Variants in UGT1A8 observed in about 807,000 individuals in gnomAD.
UGT1A8 encodes the protein UDP glucuronosyltransferase family 1 member A8.
UGT1A8 carries 39 observed loss-of-function variants against 45.3 expected under a neutral mutation model. That is an observed-to-expected ratio of 0.86 (90% CI 0.67 to 1.12). UGT1A8 has a LOEUF of 1.12. UGT1A8 is among the 50% of genes most tolerant of loss of function. The pLI is 0.00. For missense variants in UGT1A8, 719 were observed against 664.9 expected (o/e 1.08, Z -0.90); for synonymous variants, 275 against 249.2 (o/e 1.10, Z -0.97).
intron 1 of UGT1A8, chr2:233,682,602 A>AT (rs1476036720): frequency 6.2e-7 from 1 of 1,613,674 alleles, no homozygotes; most frequent in African/African-American, 1.3e-5. Flanking sequence ...TTTTGCCCCT[A>AT]TTTTTTCAAA....
At chr2:233,709,315 A>AT (rs1229942290) in intron 1 of UGT1A8, among the ~76,000 whole-genome samples, 1 of 152,156 alleles carries the variant, frequency 6.6e-6, no homozygotes, top group Non-Finnish European at 1.5e-5. Context: ...TAGATGTCAG[A>AT]TTTTTTGTTA....
In UGT1A8 at chr2:233,746,936, G is replaced by T. The variant is rs185798867; in HGVS notation, c.856-20098G>T. 1.2e-3 allele frequency among the ~76,000 whole-genome samples: 184 copies of T among 151,904 alleles called. 4 individuals carry two copies. Among genetic ancestry groups the T allele is most frequent in the African/African-American group, 4.2e-3 (172 of 41,190 alleles). ...TTCCACAGGCCTTTGTTGGGAATTGGATGAGAAACAAGAGCTTGAACTTGG... is the reference window on the plus strand; with the variant it reads ...TTCCACAGGCCTTTGTTGGGAATTGTATGAGAAACAAGAGCTTGAACTTGG... On this transcript the variant is annotated intron_variant, in intron 1 of 4. Transcript: ENST00000373450.
At chr2:233,623,106 C>T (rs112616532) in intron 1 of UGT1A8, among the ~76,000 whole-genome samples, 6,414 of 152,236 alleles carry the variant, frequency 0.042, 160 homozygotes, top group Non-Finnish European at 0.061. Flanking sequence ...GGTACCAATA[C>T]GATGCTGTTT....
chr2:233,770,519 A>G (rs1327661350), intron 4 of UGT1A8: 1 of 152,120 alleles, frequency 6.6e-6, no homozygotes, highest in Non-Finnish European at 1.5e-5. Flanking sequence ...TTACCCAGGC[A>G]TGGTGGTGTA....
Position 233,768,298 on chromosome 2 carries a change from T to A in UGT1A8, c.1154T>A (p.Met385Lys). The A allele has an allele frequency of 6.2e-7, 1 of 1,614,192 alleles. No individual in the cohort carries two copies. Reference protein sequence around the residue: ...VYESICNGVPMVMMPLFGDQM... With the variant: ...VYESICNGVPKVMMPLFGDQM... ...GAAAGCATATGCAATGGCGTTCCCA[T>A]GGTGATGATGCCCTTGTTTGGTGAT... Residue 385 changes from methionine (M) to lysine (K), a missense_variant, in exon 4 of 5, where the codon ATG (methionine) becomes AAG (lysine). Met to Lys is a moderately conservative substitution (Grantham distance 95, BLOSUM62 -1). Transcript: ENST00000373450.
chr2:233,749,216 C>G lies in UGT1A8; in HGVS notation c.856-17818C>G, dbSNP rs1401762551. ...AACATAGGTATTATTGCCAAACACT[C>G]TAAGCTTCATTTTTTAAAATCAAAC... On this transcript the variant is annotated intron_variant, in intron 1 of 4. Coordinates refer to ENST00000373450, the MANE Select transcript of UGT1A8 (RefSeq NM_019076.5). Among the ~76,000 whole-genome samples, 5 of 151,786 alleles carry G rather than the reference C, an allele frequency of 3.3e-5. No homozygotes were observed. The East Asian group carries it at 5.8e-4, about 18-fold the overall frequency.
rs1474978405 is a variant in UGT1A8, at chr2:233,736,640, C to A, written c.856-30394C>A. 3.3e-5 allele frequency among the ~76,000 whole-genome samples: 5 copies of A among 152,206 alleles called. No individual in the cohort carries two copies. In the South Asian group the frequency reaches 1.0e-3, roughly 32 times the overall value. ...TCAGCTTTTCTGCTCTAGTTTCCCC[C>A]CATCTTTGTGGTTTTATGTACCTTA... On this transcript the variant is annotated intron_variant, in intron 1 of 4. Coordinates refer to ENST00000373450, the MANE Select transcript of UGT1A8 (RefSeq NM_019076.5).
intron 1 of UGT1A8, among the ~76,000 whole-genome samples, chr2:233,766,608 C>T (rs2126027033): frequency 6.6e-6 from 1 of 152,314 alleles, no homozygotes; most frequent in South Asian, 2.1e-4. Context: ...ACCACACCCT[C>T]TTCTACCCAG....
chr2:233,755,098 C>G (rs1292458921), intron 1 of UGT1A8: 1 of 1,334,792 alleles, frequency 7.5e-7, no homozygotes, highest in Non-Finnish European at 1.0e-6. Flanking sequence ...TTCTACGCGT[C>G]CGACAACACC....
chr2:233,648,816 G>A (rs755590067), intron 1 of UGT1A8: 25 of 1,010,632 alleles, frequency 2.5e-5, no homozygotes, highest in Non-Finnish European at 3.6e-5. Context: ...TCTACTTAGA[G>A]GAGCATTTAT....
rs749931479 is a variant in UGT1A8, at chr2:233,618,564, T to C, written c.855+2T>C. The C allele has an allele frequency of 6.2e-7, 1 of 1,612,376 alleles. No individual in the cohort carries two copies. The highest frequency in any genetic ancestry group is 1.1e-5 in the South Asian group (1 of 90,928). On this transcript the variant is annotated splice_donor_variant, in intron 1 of 4. Coordinates refer to ENST00000373450, the MANE Select transcript of UGT1A8 (RefSeq NM_019076.5). LOFTEE classifies it high-confidence loss of function. ...CATCAGGGAAAGCCATTGCCTATGG[T>C]AAGTCACCTCTCCTTTAGCACATTA...
chr2:233,651,851 T>C (rs562010514), intron 1 of UGT1A8, among the ~76,000 whole-genome samples: 1 of 152,340 alleles, frequency 6.6e-6, no homozygotes, highest in East Asian at 1.9e-4. Flanking sequence ...TCTCAGATCC[T>C]ACATAGGGGT....
chr2:233,752,680 A>G (rs1695029756), intron 1 of UGT1A8: 1 of 152,192 alleles, frequency 6.6e-6, no homozygotes, highest in South Asian at 2.1e-4. Context: ...TGAGCCCAGA[A>G]ATTCATGTTT....
intron 1 of UGT1A8, among the ~76,000 whole-genome samples, chr2:233,646,936 G>A (rs1011947111): frequency 6.6e-6 from 1 of 152,196 alleles, no homozygotes; most frequent in Admixed American, 6.5e-5. Context: ...TGCTGATAAA[G>A]ACATGCCTGA....
intron 1 of UGT1A8, among the ~76,000 whole-genome samples, chr2:233,737,453 A>G (rs1465600831): frequency 6.6e-6 from 1 of 152,182 alleles, no homozygotes; most frequent in Non-Finnish European, 1.5e-5. Context: ...TTTTCCAGGT[A>G]CAGTCTGTCA....
chr2:233,633,629 T>A (rs1269206360), intron 1 of UGT1A8, among the ~76,000 whole-genome samples: 1 of 152,224 alleles, frequency 6.6e-6, no homozygotes, highest in Non-Finnish European at 1.5e-5. Flanking sequence ...GATGGTAGTT[T>A]GTATTTCTGT....
intron 1 of UGT1A8, chr2:233,729,195 G>C: frequency 6.2e-7 from 1 of 1,614,030 alleles, no homozygotes; most frequent in Non-Finnish European, 8.5e-7. Context: ...TCAGTGTCCA[G>C]CCCTGGGCTG....
In UGT1A8 at chr2:233,644,597, C is replaced by T. The variant is rs146193252; in HGVS notation, c.855+26035C>T. On this transcript the variant is annotated intron_variant, in intron 1 of 4. Coordinates refer to ENST00000373450, the MANE Select transcript of UGT1A8 (RefSeq NM_019076.5). Reference sequence around the variant, plus strand: ...ATAAATAAATAAATAAATAAATAAACGCTCTCTCAGTGGGTGGGTGTCAGC... The same window carrying T: ...ATAAATAAATAAATAAATAAATAAATGCTCTCTCAGTGGGTGGGTGTCAGC... Among the ~76,000 whole-genome samples the T allele has an allele frequency of 3.5e-3, 511 of 144,444 alleles. 4 individuals carry two copies. Among genetic ancestry groups the T allele is most frequent in the Non-Finnish European group, 5.9e-3 (377 of 63,794 alleles). The allele number at this position is 144,444 out of a possible 152,430, so 94.8% of individuals were successfully genotyped here.
At position 233,618,053 on chromosome 2, in the gene UGT1A8, T is replaced by A; in HGVS notation, c.346T>A (p.Phe116Ile). 1 of 1,614,006 alleles carries A rather than the reference T, an allele frequency of 6.2e-7. No individual in the cohort carries two copies. Among genetic ancestry groups the A allele is most frequent in the Non-Finnish European group, 8.5e-7 (1 of 1,179,996 alleles). ...TCTATTTCTGAGTTCATCCAATGGT[T>A]TTTTTAACTTATTTTTTTCGCATTG... is the stretch of plus-strand genomic sequence containing the variant. ...FSLFLSSSNG[F>I]FNLFFSHCRS... is the part of the protein sequence containing the mutation. Residue 116 changes from phenylalanine to isoleucine, a missense_variant, in exon 1 of 5, where the codon TTT becomes ATT. Phe to Ile is a conservative substitution (Grantham distance 21, BLOSUM62 0). Transcript: ENST00000373450.
Sources: allele counts gnomAD v4.1 joint callset (sites outside exome capture counted in the v4.1 genomes callset), GRCh38; gene constraint gnomAD v4.1.1; transcripts MANE v1.5; gene names NCBI Gene and HGNC (gene_info 2026-07-23, HGNC 2026-07-21).